The following PHF21A variants were observed in gnomAD, a reference collection of about 807,000 sequenced individuals.
The protein encoded by PHF21A is PHD finger protein 21A.
PHF21A carries 11 observed loss-of-function variants against 82.5 expected under a neutral mutation model. The observed-to-expected ratio is 0.13, with a 90% confidence interval of 0.08 to 0.22. PHF21A has a LOEUF of 0.22. PHF21A is among the 10% of genes least tolerant of loss of function. PHF21A has a pLI of 1.00. For missense variants in PHF21A, 579 were observed against 837.8 expected, an observed-to-expected ratio of 0.69 and a Z score of 3.81; for synonymous variants, 297 against 302.8, an observed-to-expected ratio of 0.98 and a Z score of 0.20.
At chr11:46,104,174 G>T (rs1343886929) in intron 1 of PHF21A, among the ~76,000 whole-genome samples, 1 of 152,162 alleles carries the variant, frequency 6.6e-6, no homozygotes, top group Non-Finnish European at 1.5e-5. Context: ...GAAAGCATTT[G>T]TATGCCACTT....
rs184606108 is a variant in PHF21A at position 46,042,238 on chromosome 11, C to T, written c.153+34516G>A. ...GGAAAGCCACATGACAAAACATATTCCTCAATAAGGCATATTCCATATTTT... is the reference window on the plus strand; with the variant it reads ...GGAAAGCCACATGACAAAACATATTTCTCAATAAGGCATATTCCATATTTT... On this transcript the variant is annotated intron_variant, in intron 6 of 18. Transcript: ENST00000676320. 7.9e-5 allele frequency among the ~76,000 whole-genome samples: 12 copies of T among 152,232 alleles called. No homozygotes were observed. In the East Asian group the frequency reaches 2.1e-3, roughly 27 times the overall value.
At chr11:45,961,220 T>C (rs1454396028) in intron 10 of PHF21A, among the ~76,000 whole-genome samples, 3 of 152,188 alleles carry the variant, frequency 2.0e-5, no homozygotes, top group African/African-American at 4.8e-5. Context: ...TTTGGTATAA[T>C]AAAAGAATCC....
intron 7 of PHF21A, among the ~76,000 whole-genome samples, chr11:45,976,468 T>C (rs1224108975): frequency 6.6e-6 from 1 of 152,218 alleles, no homozygotes; most frequent in Non-Finnish European, 1.5e-5. Context: ...AAATTATTAA[T>C]AATGATATAC....
chr11:46,087,846 G>T (rs1176207285), intron 3 of PHF21A, among the ~76,000 whole-genome samples: 1 of 152,082 alleles, frequency 6.6e-6, no homozygotes, highest in Non-Finnish European at 1.5e-5. Flanking sequence ...GCCTCAACTT[G>T]CTGGGCTCAA....
intron 6 of PHF21A, among the ~76,000 whole-genome samples, chr11:46,047,218 T>C (rs775902891): frequency 2.0e-5 from 3 of 152,108 alleles, no homozygotes; most frequent in Non-Finnish European, 4.4e-5. Flanking sequence ...ATGTAACTCA[T>C]AGGGGTGTAG....
At chr11:46,010,543 A>G (rs749528283) in intron 6 of PHF21A, among the ~76,000 whole-genome samples, 2 of 152,218 alleles carry the variant, frequency 1.3e-5, no homozygotes, top group Non-Finnish European at 2.9e-5. Context: ...AGTGGTATGA[A>G]TAACTCAAAA....
At chr11:45,955,267 A>G (rs2092541912) in intron 10 of PHF21A, among the ~76,000 whole-genome samples, 1 of 137,608 alleles carries the variant, frequency 7.3e-6, no homozygotes, top group Non-Finnish European at 1.6e-5. Flanking sequence ...AGAATCACTC[A>G]AGTCTTTCTC....
At chr11:46,061,843 C>G (rs1288915821) in intron 6 of PHF21A, among the ~76,000 whole-genome samples, 1 of 152,160 alleles carries the variant, frequency 6.6e-6, no homozygotes, top group Admixed American at 6.5e-5. Context: ...GATGGAGAAC[C>G]TCCTCCAATA....
intron 9 of PHF21A, among the ~76,000 whole-genome samples, chr11:45,967,986 G>A (rs2093547923): frequency 6.6e-6 from 1 of 152,146 alleles, no homozygotes; most frequent in Admixed American, 6.5e-5. Context: ...TTCACAACAA[G>A]TGGGTCATGA....
chr11:46,071,212 A>G (rs2096653260), intron 6 of PHF21A, among the ~76,000 whole-genome samples: 1 of 152,214 alleles, frequency 6.6e-6, no homozygotes, highest in Admixed American at 6.5e-5. Context: ...TTATTTTAGT[A>G]GTTTGGCCTG....
intron 6 of PHF21A, among the ~76,000 whole-genome samples, chr11:46,057,550 C>T (rs897660473): frequency 6.6e-6 from 1 of 151,992 alleles, no homozygotes; most frequent in Non-Finnish European, 1.5e-5. Flanking sequence ...TTTTGCTTTT[C>T]AAATAGAGGA....
chr11:45,958,073 A>T (rs919441270), intron 10 of PHF21A, among the ~76,000 whole-genome samples: 3 of 152,060 alleles, frequency 2.0e-5, no homozygotes, highest in African/African-American at 7.2e-5. Flanking sequence ...CTCAAGATAA[A>T]GAAAATCTCA....
At chr11:45,934,377 A>T in intron 18 of PHF21A, 152 bp from the exon 19 acceptor site, 69 of 652,152 alleles carry the variant, frequency 1.1e-4, no homozygotes, top group Middle Eastern at 4.6e-4. Flanking sequence ...TCCTCAGTGG[A>T]GTGGGCGGCT....
intron 10 of PHF21A, among the ~76,000 whole-genome samples, chr11:45,955,042 A>G (rs567564660): frequency 3.3e-5 from 5 of 152,234 alleles, no homozygotes; most frequent in Non-Finnish European, 5.9e-5. Context: ...ATACTGTGGC[A>G]ACCAGTGCTC....
intron 6 of PHF21A, among the ~76,000 whole-genome samples, chr11:45,980,408 A>G (rs964801261): frequency 6.6e-6 from 1 of 152,212 alleles, no homozygotes; most frequent in Non-Finnish European, 1.5e-5. Flanking sequence ...CTTTAAAATG[A>G]GGTGGTTAAC....
At chr11:45,991,335 G>A (rs2094692633) in intron 6 of PHF21A, among the ~76,000 whole-genome samples, 1 of 152,160 alleles carries the variant, frequency 6.6e-6, no homozygotes, top group Non-Finnish European at 1.5e-5. Flanking sequence ...TAAAAACGAA[G>A]TAATAATATC....
intron 7 of PHF21A, among the ~76,000 whole-genome samples, chr11:45,973,330 C>T (rs2093869276): frequency 1.3e-5 from 2 of 152,166 alleles, no homozygotes; most frequent in Admixed American, 6.5e-5. Flanking sequence ...TGGACAACTT[C>T]CCTTATGAAT....
intron 6 of PHF21A, among the ~76,000 whole-genome samples, chr11:46,024,691 T>C (rs2095704624): frequency 6.6e-6 from 1 of 152,008 alleles, no homozygotes; most frequent in South Asian, 2.1e-4. Flanking sequence ...ATCCCAGTAC[T>C]CAGGAGGCTG....
chr11:46,013,838 G>A (rs564055980), intron 6 of PHF21A, among the ~76,000 whole-genome samples: 36 of 152,152 alleles, frequency 2.4e-4, no homozygotes, highest in Admixed American at 1.3e-3. Context: ...AATACACTAC[G>A]AAAGATGAAA....
Sources: allele counts gnomAD v4.1 joint callset (sites outside exome capture counted in the v4.1 genomes callset), GRCh38; gene constraint gnomAD v4.1.1; transcripts MANE v1.5; gene names NCBI Gene and HGNC (gene_info 2026-07-23, HGNC 2026-07-21).